The following EIF4G3 variants were observed in gnomAD, a reference collection of about 807,000 sequenced individuals.
The protein encoded by EIF4G3 is eukaryotic translation initiation factor 4 gamma 3.
EIF4G3 carries 34 observed loss-of-function variants against 186.4 expected under a neutral mutation model. The ratio of observed to expected loss-of-function variants is 0.18; its 90% CI spans 0.14 to 0.24. The LOEUF (loss-of-function observed/expected upper bound fraction) is 0.24, where lower values mean the gene tolerates loss of function less well. EIF4G3 is among the 10% of genes least tolerant of loss of function. EIF4G3 has a pLI of 1.00. For synonymous variants in EIF4G3, 673 were observed against 679.5 expected, an observed-to-expected ratio of 0.99 and a Z score of 0.15; for missense variants, 1,536 against 1,948.5, an observed-to-expected ratio of 0.79 and a Z score of 3.99.
chr1:20,977,847 T>G (rs1171831098), intron 10 of EIF4G3, among the ~76,000 whole-genome samples: 1 of 152,192 alleles, frequency 6.6e-6, no homozygotes. Flanking sequence ...CTATACATAT[T>G]GTACAATAGT....
chr1:21,168,891 A>C (rs1034609541), intron 2 of EIF4G3, among the ~76,000 whole-genome samples: 4 of 150,812 alleles, frequency 2.7e-5, no homozygotes, highest in Admixed American at 6.6e-5. Flanking sequence ...AAAAGTGGTT[A>C]TCACAGCTAC....
intron 4 of EIF4G3, among the ~76,000 whole-genome samples, chr1:21,003,179 T>C (rs908222384): frequency 5.3e-5 from 8 of 150,558 alleles, no homozygotes; most frequent in African/African-American, 1.7e-4. Flanking sequence ...TTCTTTTTTT[T>C]TTTTTTTTTT....
rs138999199 is a variant in EIF4G3, at chr1:20,945,441, T to C, written c.824-3111A>G. Among the ~76,000 whole-genome samples, 1,048 of 152,278 alleles carry C rather than the reference T, an allele frequency of 6.9e-3. 14 individuals are homozygous for C. The highest frequency in any genetic ancestry group is 0.023 in the African/African-American group (965 of 41,552). On this transcript the variant is annotated intron_variant, in intron 13 of 36. Transcript: ENST00000602326. ...GTTTTTAAAAGAGTATTTAATGATA[T>C]GGAAAGTTGTTTGTAATAAAAGATA... is the stretch of plus-strand genomic sequence containing the variant.
chr1:21,001,574 A>G (rs563482523), intron 5 of EIF4G3, among the ~76,000 whole-genome samples: 159 of 152,272 alleles, frequency 1.0e-3, no homozygotes, highest in Admixed American at 2.0e-3. Flanking sequence ...AACCACTCTC[A>G]TAACAAAACT....
chr1:21,108,827 C>T (rs1429740307), intron 2 of EIF4G3, among the ~76,000 whole-genome samples: 1 of 140,994 alleles, frequency 7.1e-6, no homozygotes, highest in Non-Finnish European at 1.5e-5. Flanking sequence ...CACTTCAACC[C>T]GGGAGACAGA....
chr1:21,121,046 G>A (rs1414001280), intron 2 of EIF4G3, among the ~76,000 whole-genome samples: 1 of 152,082 alleles, frequency 6.6e-6, no homozygotes, highest in East Asian at 1.9e-4. Context: ...CAGCCTCCAA[G>A]TAGGTGGGAC....
chr1:21,097,668 T>C (rs748745106), intron 2 of EIF4G3, among the ~76,000 whole-genome samples: 1 of 152,196 alleles, frequency 6.6e-6, no homozygotes, highest in Non-Finnish European at 1.5e-5. Context: ...CACACAAATG[T>C]AGTGAATCGA....
intron 14 of EIF4G3, among the ~76,000 whole-genome samples, chr1:20,916,307 C>T (rs193041376): frequency 2.0e-5 from 3 of 151,980 alleles, no homozygotes; most frequent in Admixed American, 6.5e-5. Flanking sequence ...TTAGCCCGGG[C>T]GTGGTGGTGG....
At chr1:20,853,817 C>T in intron 26 of EIF4G3, 140 bp from the exon 27 acceptor site, 1 of 623,956 alleles carries the variant, frequency 1.6e-6, no homozygotes, top group East Asian at 2.8e-5. Flanking sequence ...GGTCCCTCTA[C>T]CATATTCTGA....
intron 14 of EIF4G3, among the ~76,000 whole-genome samples, chr1:20,914,538 G>C (rs1420531001): frequency 2.6e-5 from 4 of 152,138 alleles, no homozygotes; most frequent in African/African-American, 9.7e-5. Context: ...ATGACACCTT[G>C]ATTTTTGGCC....
At chr1:21,051,065 T>C in intron 3 of EIF4G3, 71 bp from the exon 4 acceptor site, 2 of 698,930 alleles carry the variant, frequency 2.9e-6, no homozygotes, top group Non-Finnish European at 5.3e-6. Flanking sequence ...AGCTGAACTA[T>C]CTGATTTTTA....
At chr1:20,983,752 C>T (rs1323045791) in intron 7 of EIF4G3, among the ~76,000 whole-genome samples, 1 of 152,150 alleles carries the variant, frequency 6.6e-6, no homozygotes, top group African/African-American at 2.4e-5. Flanking sequence ...ATCAAATGAA[C>T]ACAGGTGATC....
At chr1:21,175,335 A>T (rs2098081420) in intron 2 of EIF4G3, 1 of 152,234 alleles carries the variant, frequency 6.6e-6, no homozygotes, top group Non-Finnish European at 1.5e-5. Context: ...TCGAGCAAAT[A>T]ACATGAAATT....
chr1:20,979,141 G>A (rs2077456755), intron 10 of EIF4G3, among the ~76,000 whole-genome samples: 1 of 152,046 alleles, frequency 6.6e-6, no homozygotes, highest in African/African-American at 2.4e-5. Context: ...CACCTTCCAT[G>A]GAATAAGAGA....
Position 20,961,208 on chromosome 1 carries a change from C to T in EIF4G3, c.714+8266G>A, listed in dbSNP as rs139873565. Among the ~76,000 whole-genome samples the T allele has an allele frequency of 3.7e-3, 562 of 152,124 alleles. 4 individuals carry two copies. The highest frequency in any genetic ancestry group is 0.012 in the African/African-American group (512 of 41,482). On this transcript the variant is annotated intron_variant, in intron 12 of 36. Transcript: ENST00000602326. Reference sequence around the variant, plus strand: ...GACCATCCTGGCCAATGTGGTGAAACCCCGTCTCTACTAAAAACACAAAAA... The same window carrying T: ...GACCATCCTGGCCAATGTGGTGAAATCCCGTCTCTACTAAAAACACAAAAA...
intron 34 of EIF4G3, 85 bp from the exon 35 acceptor site, chr1:20,813,324 G>GATTAC: frequency 1.1e-6 from 1 of 950,194 alleles, no homozygotes; most frequent in Non-Finnish European, 1.6e-6. Flanking sequence ...AACACTTTGG[G>GATTAC]AGGCCGAGAC....
intron 2 of EIF4G3, among the ~76,000 whole-genome samples, chr1:21,152,635 C>T (rs886785088): frequency 1.3e-5 from 2 of 152,124 alleles, no homozygotes; most frequent in African/African-American, 4.8e-5. Context: ...CAGAGAGCTT[C>T]CCAAAATACT....
intron 2 of EIF4G3, among the ~76,000 whole-genome samples, chr1:21,113,770 C>T (rs1489153841): frequency 3.3e-5 from 5 of 152,082 alleles, no homozygotes; most frequent in Non-Finnish European, 7.4e-5. Context: ...AATCCCAGTA[C>T]TTTGGGAGGC....
At chr1:20,995,533 G>A (rs879932186) in intron 7 of EIF4G3, among the ~76,000 whole-genome samples, 16 of 151,946 alleles carry the variant, frequency 1.1e-4, no homozygotes, top group East Asian at 3.9e-4. Context: ...CACCACGCCC[G>A]GCTACTTTTT....
Sources: gnomAD v4.1 joint callset for allele counts (sites outside exome capture counted in the v4.1 genomes callset) on GRCh38, gnomAD v4.1.1 for gene constraint, MANE v1.5 for transcripts, NCBI Gene and HGNC (gene_info 2026-07-23, HGNC 2026-07-21) for gene names.